DNAH3: variants seen among roughly 807,000 people sequenced by gnomAD.
DNAH3 encodes dynein axonemal heavy chain 3, also known as axonemal beta dynein heavy chain 3.
Under a neutral mutation model 432.5 loss-of-function variants are expected in DNAH3, and 332 were observed. That is an observed-to-expected ratio of 0.77 (90% CI 0.70 to 0.84). DNAH3 has a LOEUF of 0.84. Among genes scored for constraint, DNAH3 ranks in the 40% least tolerant of loss-of-function variants. DNAH3 has a pLI of 0.00. For synonymous variants in DNAH3, 1,956 were observed against 1,900.2 expected, an observed-to-expected ratio of 1.03 and a Z score of -0.76; for missense variants, 4,861 against 5,114.0, an observed-to-expected ratio of 0.95 and a Z score of 1.51.
intron 28 of DNAH3, among the ~76,000 whole-genome samples, chr16:21,053,392 C>T (rs1006426741): frequency 5.9e-5 from 9 of 152,076 alleles, no homozygotes; most frequent in African/African-American, 1.9e-4. Flanking sequence ...AAGAGGAAAG[C>T]GAATTTCAAG....
intron 24 of DNAH3, among the ~76,000 whole-genome samples, chr16:21,065,104 T>C (rs1473217308): frequency 6.6e-6 from 1 of 152,148 alleles, no homozygotes; most frequent in Non-Finnish European, 1.5e-5. Flanking sequence ...AGTTAGTTAG[T>C]AAGTGTAAAG....
At chr16:21,032,401 G>A (rs1245514287) in intron 36 of DNAH3, among the ~76,000 whole-genome samples, 6 of 152,062 alleles carry the variant, frequency 3.9e-5, no homozygotes, top group Non-Finnish European at 2.9e-5. Context: ...CAATTGGAAC[G>A]TACAGGCTGA....
intron 57 of DNAH3, among the ~76,000 whole-genome samples, chr16:20,946,901 T>C (rs1221378945): frequency 7.7e-5 from 11 of 142,536 alleles, no homozygotes; most frequent in Non-Finnish European, 1.4e-4. Flanking sequence ...CTTGGTTCAC[T>C]GCAACCTATG....
At chr16:21,140,732 G>C in intron 4 of DNAH3, 22 bp from the exon 6 acceptor site, 1 of 1,611,764 alleles carries the variant, frequency 6.2e-7, no homozygotes, top group East Asian at 2.2e-5. Context: ...ACACAGCTCA[G>C]CCCTTGGTGT....
Position 21,070,842 on chromosome 16 carries a change from C to T in DNAH3, c.3085-16G>A, listed in dbSNP as rs75686265. 136,252 of 1,458,856 alleles carry T rather than the reference C, an allele frequency of 0.093. 7,414 individuals are homozygous for T. The highest frequency in any genetic ancestry group is 0.19 in the South Asian group (16,689 of 86,684). 90.4% of individuals were successfully genotyped at this position (1,458,856 alleles called of 1,614,324 possible). A position where few individuals can be genotyped will look rare whatever the true frequency, so the allele number is the denominator to read the frequency against. On this transcript the variant is annotated splice_polypyrimidine_tract_variant and intron_variant, in intron 21 of 61. Coordinates refer to ENST00000261383, the Ensembl canonical transcript of DNAH3. ...TGTTTGTATCCTGTAAATAAAGATGCCCCACCCTGTCAAGATTGTGAAACC... is the reference window on the plus strand; with the variant it reads ...TGTTTGTATCCTGTAAATAAAGATGTCCCACCCTGTCAAGATTGTGAAACC...
chr16:20,961,041 A>T (rs1192672314), intron 53 of DNAH3, among the ~76,000 whole-genome samples: 1 of 152,162 alleles, frequency 6.6e-6, no homozygotes, highest in Non-Finnish European at 1.5e-5. Flanking sequence ...GCTAAACAAC[A>T]CAAATTTGCT....
intron 41 of DNAH3, among the ~76,000 whole-genome samples, chr16:21,007,938 G>A (rs996614913): frequency 6.6e-6 from 1 of 152,162 alleles, no homozygotes; most frequent in African/African-American, 2.4e-5. Flanking sequence ...GTTCCAGCAC[G>A]ATTTGTTGAA....
chr16:21,059,127 T>C (rs114765255), intron 26 of DNAH3, among the ~76,000 whole-genome samples: 568 of 152,360 alleles, frequency 3.7e-3, no homozygotes, highest in African/African-American at 0.013. Flanking sequence ...CATATGTGTC[T>C]TATAACATTA....
chr16:20,987,724 C>A (rs762106467), exon 46 of DNAH3: 1 of 1,614,038 alleles, frequency 6.2e-7, no homozygotes, highest in Non-Finnish European at 8.5e-7. Context: ...CAGCAGGACC[C>A]CTTGAATCAC....
At chr16:21,089,256 G>A (rs1368812796) in intron 18 of DNAH3, among the ~76,000 whole-genome samples, 2 of 152,160 alleles carry the variant, frequency 1.3e-5, no homozygotes, top group Non-Finnish European at 2.9e-5. Flanking sequence ...GGGGAAAAGT[G>A]GAAGCGACAC....
intron 11 of DNAH3, among the ~76,000 whole-genome samples, chr16:21,118,955 G>A (rs1055346061): frequency 6.6e-6 from 1 of 152,186 alleles, no homozygotes; most frequent in African/African-American, 2.4e-5. Context: ...GTTTCAGTGA[G>A]TTACATGGGT....
intron 47 of DNAH3, among the ~76,000 whole-genome samples, chr16:20,986,308 C>T (rs984722540): frequency 3.3e-4 from 50 of 151,780 alleles, no homozygotes; most frequent in African/African-American, 1.2e-3. Flanking sequence ...ACTTCAAGAC[C>T]AGCCTGGGCA....
intron 56 of DNAH3, among the ~76,000 whole-genome samples, chr16:20,949,345 A>G (rs1250370280): frequency 6.6e-6 from 1 of 150,978 alleles, no homozygotes; most frequent in African/African-American, 2.4e-5. Context: ...AAATAAATAA[A>G]TAAATATAAA....
chr16:21,118,838 C>G (rs2092269066), intron 11 of DNAH3, among the ~76,000 whole-genome samples: 1 of 152,210 alleles, frequency 6.6e-6, no homozygotes, highest in Non-Finnish European at 1.5e-5. Context: ...TTCTCACTTG[C>G]ATGGCTCATG....
At chr16:21,037,488 A>T (rs960844431) in intron 34 of DNAH3, among the ~76,000 whole-genome samples, 3 of 152,248 alleles carry the variant, frequency 2.0e-5, no homozygotes, top group African/African-American at 7.2e-5. Flanking sequence ...ATTAAATTAC[A>T]AAAGGAAACT....
At chr16:20,971,822 G>T (rs539779158) in intron 51 of DNAH3, among the ~76,000 whole-genome samples, 1 of 152,340 alleles carries the variant, frequency 6.6e-6, no homozygotes, top group African/African-American at 2.4e-5. Flanking sequence ...ACATAGGCAA[G>T]TCCCCTTGGT....
chr16:20,949,423 T>G (rs1334898146), intron 56 of DNAH3, among the ~76,000 whole-genome samples: 1 of 152,132 alleles, frequency 6.6e-6, no homozygotes, highest in Non-Finnish European at 1.5e-5. Context: ...TAACTTTTAT[T>G]ATAGCATATT....
chr16:21,111,980 T>C lies in DNAH3; in HGVS notation c.1920+13A>G. On this transcript the variant is annotated intron_variant, in intron 13 of 61. Coordinates refer to ENST00000261383, the Ensembl canonical transcript of DNAH3. ...TGTCACCAAGGTATAAAATCTCAAGTGGCATTTCCTACCGTCACAAAATCA... is the reference window on the plus strand; with the variant it reads ...TGTCACCAAGGTATAAAATCTCAAGCGGCATTTCCTACCGTCACAAAATCA... 6.2e-7 allele frequency: 1 copy of C among 1,607,516 alleles called. No individual in the cohort carries two copies. The highest frequency in any genetic ancestry group is 8.5e-7 in the Non-Finnish European group (1 of 1,174,708).
chr16:21,017,576 T>C (rs1287760625), intron 41 of DNAH3, among the ~76,000 whole-genome samples: 1 of 152,214 alleles, frequency 6.6e-6, no homozygotes, highest in Non-Finnish European at 1.5e-5. Flanking sequence ...TGATGTCTCA[T>C]ATCTCACTAA....
Sources: allele counts gnomAD v4.1 joint callset (sites outside exome capture counted in the v4.1 genomes callset), GRCh38; gene constraint gnomAD v4.1.1; transcripts MANE v1.5; gene names NCBI Gene and HGNC (gene_info 2026-07-23, HGNC 2026-07-21).